Variants in OSBPL9 observed in about 807,000 individuals in gnomAD.
OSBPL9 encodes oxysterol-binding protein-related protein 9.
OSBPL9 carries 40 observed loss-of-function variants against 106.6 expected under a neutral mutation model. The observed-to-expected ratio is 0.38, with a 90% CI of 0.29 to 0.49. The LOEUF (loss-of-function observed/expected upper bound fraction) is 0.49. Ranked by LOEUF, OSBPL9 falls within the 20% of genes least tolerant of loss-of-function variation. The pLI is 0.97. For synonymous variants in OSBPL9, 269 were observed against 295.4 expected, an observed-to-expected ratio of 0.91 and a Z score of 0.92; for missense variants, 609 against 887.2, an observed-to-expected ratio of 0.69 and a Z score of 3.98.
intron 2 of OSBPL9, among the ~76,000 whole-genome samples, chr1:51,599,237 G>C (rs991456563): frequency 6.6e-5 from 10 of 152,090 alleles, no homozygotes; most frequent in Admixed American, 4.6e-4. Flanking sequence ...AAACACCAAT[G>C]ACTTCTGTTA....
intron 1 of OSBPL9, among the ~76,000 whole-genome samples, chr1:51,635,901 C>G (rs531785222): frequency 1.1e-4 from 17 of 152,018 alleles, no homozygotes; most frequent in African/African-American, 4.1e-4. Flanking sequence ...ATGATACGCT[C>G]ATTTGGAAGT....
At chr1:51,583,437 G>C (rs1570529975) in intron 1 of OSBPL9, 1 of 152,350 alleles carries the variant, frequency 6.6e-6, no homozygotes, top group South Asian at 2.1e-4. Context: ...ACTTGGATAA[G>C]TTAGTAAATT....
At chr1:51,702,827 G>A (rs1372233849) in intron 3 of OSBPL9, among the ~76,000 whole-genome samples, 1 of 152,214 alleles carries the variant, frequency 6.6e-6, no homozygotes, top group Non-Finnish European at 1.5e-5. Context: ...TGTATAAGGT[G>A]TAAGGAAGGG....
the OSBPL9 span, among the ~76,000 whole-genome samples, chr1:51,555,182 AC>A: frequency 6.6e-6 from 1 of 152,096 alleles, no homozygotes; most frequent in African/African-American, 2.4e-5. Context: ...TTCTGATGAT[AC>A]TTACATATAG....
At chr1:51,613,872 G>A (rs1644006438), upstream of OSBPL9, among the ~76,000 whole-genome samples, 1 of 151,860 alleles carries the variant, frequency 6.6e-6, no homozygotes, top group Non-Finnish European at 1.5e-5. Context: ...CCCCTAAGTA[G>A]CTAGTACTAC....
At chr1:51,628,058 AT>A (rs34103866) in intron 1 of OSBPL9, among the ~76,000 whole-genome samples, 188 of 143,486 alleles carry the variant, frequency 1.3e-3, no homozygotes, top group East Asian at 6.8e-3. Context: ...CCTACTCTCA[AT>A]TTTTTTTTTT....
the OSBPL9 span, among the ~76,000 whole-genome samples, chr1:51,545,881 C>T: frequency 6.6e-6 from 1 of 152,070 alleles, no homozygotes; most frequent in Non-Finnish European, 1.5e-5. Flanking sequence ...TACCATATGT[C>T]AACAATTCTA....
At chr1:51,630,844 A>T (rs1449723533) in intron 1 of OSBPL9, among the ~76,000 whole-genome samples, 1 of 152,180 alleles carries the variant, frequency 6.6e-6, no homozygotes, top group Non-Finnish European at 1.5e-5. Context: ...AGCACATTGT[A>T]CAGCTGTACA....
intron 1 of OSBPL9, among the ~76,000 whole-genome samples, chr1:51,594,497 G>C (rs1645290875): frequency 6.6e-6 from 1 of 151,824 alleles, no homozygotes; most frequent in Non-Finnish European, 1.5e-5. Context: ...TTTCCTCCAG[G>C]GTTCACCCAT....
chr1:51,573,782 C>G (rs113182161), upstream of OSBPL9, among the ~76,000 whole-genome samples: 1,042 of 150,002 alleles, frequency 6.9e-3, 13 homozygotes, highest in African/African-American at 0.025. Flanking sequence ...CCATTGCACT[C>G]CAGTCTGAGC....
At chr1:51,767,513 GACTGTTACTAT>G (rs1180831786) in intron 12 of OSBPL9, among the ~76,000 whole-genome samples, 2 of 152,108 alleles carry the variant, frequency 1.3e-5, no homozygotes, top group Non-Finnish European at 2.9e-5. Context: ...TTTCTCAGGG[GACTGTTACTAT>G]ACTGTTACTA....
At chr1:51,785,053 C>A in intron 20 of OSBPL9, 1 of 168,810 alleles carries the variant, frequency 5.9e-6, no homozygotes, top group Non-Finnish European at 1.3e-5. Flanking sequence ...TCTTGGGTCA[C>A]GTGCAGATGA....
intron 4 of OSBPL9, among the ~76,000 whole-genome samples, chr1:51,727,330 T>C (rs1173524139): frequency 6.6e-6 from 1 of 152,192 alleles, no homozygotes; most frequent in Non-Finnish European, 1.5e-5. Flanking sequence ...TGTTTATAGT[T>C]TATTGTTATT....
chr1:51,550,094 A>G, the OSBPL9 span, among the ~76,000 whole-genome samples: 1 of 152,328 alleles, frequency 6.6e-6, no homozygotes, highest in African/African-American at 2.4e-5. Flanking sequence ...ACCTTGAGCA[A>G]GTGACTTACC....
At chr1:51,772,965 T>C (rs1344286483) in intron 14 of OSBPL9, among the ~76,000 whole-genome samples, 3 of 152,226 alleles carry the variant, frequency 2.0e-5, no homozygotes, top group African/African-American at 7.2e-5. Flanking sequence ...GGTAGAGTTC[T>C]AATCTTAGGG....
At chr1:51,536,278 G>T in the OSBPL9 span, among the ~76,000 whole-genome samples, 1 of 151,922 alleles carries the variant, frequency 6.6e-6, no homozygotes. Flanking sequence ...ATACTTAACT[G>T]TCATGACTTT....
chr1:51,594,122 C>T (rs1307434203), intron 1 of OSBPL9, among the ~76,000 whole-genome samples: 3 of 151,994 alleles, frequency 2.0e-5, no homozygotes, highest in South Asian at 2.1e-4. Flanking sequence ...TTTGGCTAGG[C>T]GCAGTGGCTC....
chr1:51,653,766 C>T (rs182175837), intron 2 of OSBPL9, among the ~76,000 whole-genome samples: 28 of 152,258 alleles, frequency 1.8e-4, no homozygotes, highest in African/African-American at 5.3e-4. Flanking sequence ...GGAGACCGAG[C>T]GAGGCAGAGG....
intron 3 of OSBPL9, among the ~76,000 whole-genome samples, chr1:51,702,974 G>A (rs1349218857): frequency 6.6e-6 from 1 of 152,142 alleles, no homozygotes; most frequent in Admixed American, 6.5e-5. Context: ...CATTATTTCT[G>A]AGGGCTCTGT....
Sources: gnomAD v4.1 joint callset for allele counts (sites outside exome capture counted in the v4.1 genomes callset) on GRCh38, gnomAD v4.1.1 for gene constraint, MANE v1.5 for transcripts, NCBI Gene and HGNC (gene_info 2026-07-23, HGNC 2026-07-21) for gene names.